The following TIAM2 variants were observed in gnomAD, a reference collection of about 807,000 sequenced individuals.
TIAM2 encodes the protein TIAM Rac1 associated GEF 2.
Under a neutral mutation model 152.9 loss-of-function variants are expected in TIAM2, and 80 were observed. The observed-to-expected ratio is 0.52, with a 90% CI of 0.44 to 0.63. TIAM2 has a LOEUF of 0.63. TIAM2 is among the 30% of genes least tolerant of loss of function. The pLI is 0.00. For missense variants in TIAM2, 1,965 were observed against 2,120.1 expected, an observed-to-expected ratio of 0.93 and a Z score of 1.44; for synonymous variants, 804 against 838.0, an observed-to-expected ratio of 0.96 and a Z score of 0.70.
In TIAM2 at chr6:155,032,633, C is replaced by T. The variant is rs553448906; in HGVS notation, c.-209+37141C>T. ...TCGGCTCACTGCAACCTCTACCTCCCGGGTTCAAGCAATTCTCCTGCTTCA... is the reference window on the plus strand; with the variant it reads ...TCGGCTCACTGCAACCTCTACCTCCTGGGTTCAAGCAATTCTCCTGCTTCA... On this transcript the variant is annotated intron_variant, in intron 1 of 26. Transcript: ENST00000682666. Among the ~76,000 whole-genome samples the T allele has an allele frequency of 1.8e-4, 28 of 152,188 alleles. No individual in the cohort carries two copies. The East Asian group carries it at 2.3e-3, about 13-fold the overall frequency.
At chr6:155,078,830 C>T (rs1345778009) in intron 1 of TIAM2, among the ~76,000 whole-genome samples, 1 of 152,210 alleles carries the variant, frequency 6.6e-6, no homozygotes, top group African/African-American at 2.4e-5. Flanking sequence ...TGTTTCATTA[C>T]AGAAGTTGAT....
Position 155,256,623 on chromosome 6 carries a change from G to A in TIAM2, c.4608G>A (p.Glu1536=). The change falls in exon 27 of 27, where the codon GAG becomes GAA. Residue 1536 remains glutamate (E), a synonymous_variant. Transcript: ENST00000682666. ...AGAGCAGCGGCTGCCCCACGGCTGA[G>A]GGCAGGCAGGACTCCAAGAGCACTT... ...GTQSSGCPTA[E]GRQDSKSTSP... 6.2e-7 allele frequency: 1 copy of A among 1,614,170 alleles called. No homozygotes were observed. The highest frequency in any genetic ancestry group is 8.5e-7 in the Non-Finnish European group (1 of 1,180,018).
rs1161778121 is a variant in TIAM2 at position 155,240,556 on chromosome 6, C to G, written c.3195C>G (p.Cys1065Trp). The change falls in exon 16 of 27, where the codon TGC becomes TGG. Residue 1065 changes from cysteine (C) to tryptophan (W), a missense_variant. By Grantham distance (215) the Cys-to-Trp change is radical. Coordinates refer to ENST00000682666, the MANE Select transcript of TIAM2 (RefSeq NM_012454.4). The stretch of plus-strand genomic sequence containing the variant: ...GTGCTGAGCAGATCACTGCACTGTG[C>G]AGGAGTTTTAACGACAGTCAGGCCA... ...FRSAEQITALCRSFNDSQANG... is the reference protein window; with the variant it reads ...FRSAEQITALWRSFNDSQANG... 1 of 1,613,888 alleles carries G rather than the reference C, an allele frequency of 6.2e-7. No homozygotes were observed. The highest frequency in any genetic ancestry group is 8.5e-7 in the Non-Finnish European group (1 of 1,180,014).
At chr6:155,051,104 TG>T (rs1382291933) in intron 1 of TIAM2, among the ~76,000 whole-genome samples, 1 of 152,214 alleles carries the variant, frequency 6.6e-6, no homozygotes, top group Non-Finnish European at 1.5e-5. Flanking sequence ...GCTGGTTTTT[TG>T]GTTCTGATTG....
intron 1 of TIAM2, among the ~76,000 whole-genome samples, chr6:155,044,388 C>A (rs952851349): frequency 2.0e-5 from 3 of 152,206 alleles, no homozygotes; most frequent in Non-Finnish European, 2.9e-5. Context: ...ATTGAGGATG[C>A]TGCATTCATA....
At position 155,245,603 on chromosome 6, in the gene TIAM2, T is replaced by A; in HGVS notation, c.3544-20T>A. 1 of 1,598,160 alleles carries A rather than the reference T, an allele frequency of 6.3e-7. No homozygotes were observed. Among genetic ancestry groups the A allele is most frequent in the South Asian group, 1.1e-5 (1 of 90,612 alleles). On this transcript the variant is annotated intron_variant, in intron 18 of 26. Coordinates refer to ENST00000682666, the MANE Select transcript of TIAM2 (RefSeq NM_012454.4). ...TTGATTAAACCATGTCTGATTTGAC[T>A]TTCCCCTCTGCCCTTCTAGAAATTA...
intron 10 of TIAM2, among the ~76,000 whole-genome samples, chr6:155,178,122 C>G (rs113681849): frequency 6.8e-6 from 1 of 146,762 alleles, no homozygotes; most frequent in Non-Finnish European, 1.5e-5. Flanking sequence ...GATGGCTCCA[C>G]TGCACCCCAG....
chr6:155,182,134 G>A, intron 12 of TIAM2, 92 bp from the exon 13 acceptor site: 1 of 1,038,886 alleles, frequency 9.6e-7, no homozygotes, highest in Non-Finnish European at 1.5e-6. Flanking sequence ...GTACTTATGA[G>A]AAAAGATGTT....
intron 2 of TIAM2, among the ~76,000 whole-genome samples, chr6:155,125,517 C>T (rs112331976): frequency 1.1e-4 from 16 of 152,180 alleles, no homozygotes; most frequent in African/African-American, 3.4e-4. Flanking sequence ...GCAGCTGTTG[C>T]GGAAAACAGT....
chr6:155,252,125 G>T (rs1783698813), intron 23 of TIAM2, 122 bp downstream of exon 23: 1 of 700,562 alleles, frequency 1.4e-6, no homozygotes, highest in Admixed American at 2.9e-5. Flanking sequence ...TACTCTGAGG[G>T]TAACTAACCC....
At position 155,165,352 on chromosome 6, in the gene TIAM2, A is replaced by C. The variant is rs780914387; in HGVS notation, c.2304A>C (p.Leu768Phe). ...ACAAGAAGGGAATATTTTCTTCGTT[A>C]AAAGGGCTGGACACACTGGCCAGAA... ...GRNKKGIFSS[L>F]KGLDTLARKG... Residue 768 changes from leucine (L) to phenylalanine (F), a missense_variant, in exon 9 of 27, where the codon TTA (leucine) becomes TTC (phenylalanine). This residue lies in a region of TIAM2 where 1,025 missense variants were observed against 1,119.4 expected (regional missense o/e 0.92). Transcript: ENST00000682666. 1 of 1,614,074 alleles carries C rather than the reference A, an allele frequency of 6.2e-7. No individual in the cohort carries two copies. Among genetic ancestry groups the C allele is most frequent in the Admixed American group, 1.7e-5 (1 of 60,004 alleles).
At chr6:155,228,137 T>C (rs1352225127) in intron 15 of TIAM2, among the ~76,000 whole-genome samples, 1 of 152,180 alleles carries the variant, frequency 6.6e-6, no homozygotes, top group Non-Finnish European at 1.5e-5. Context: ...GGCAGAGCTG[T>C]CCTAAGCAAA....
At chr6:155,055,284 G>A (rs185323006) in intron 1 of TIAM2, among the ~76,000 whole-genome samples, 55 of 152,238 alleles carry the variant, frequency 3.6e-4, no homozygotes, top group African/African-American at 1.2e-3. Context: ...ACATTCCAGC[G>A]TCCTCTCACA....
intron 15 of TIAM2, 69 bp from the exon 16 acceptor site, chr6:155,240,461 C>T: frequency 6.7e-7 from 1 of 1,497,886 alleles, no homozygotes; most frequent in Non-Finnish European, 9.0e-7. Context: ...ACACTTGGTG[C>T]CCTTGGGGGC....
chr6:155,043,633 C>CAAAAAAAAA (rs60093259), intron 1 of TIAM2, among the ~76,000 whole-genome samples: 1 of 50,250 alleles, frequency 2.0e-5, no homozygotes, highest in Non-Finnish European at 3.7e-5. Flanking sequence ...GACCCTGTCT[C>CAAAAAAAAA]AAAAAAAAAA....
intron 2 of TIAM2, among the ~76,000 whole-genome samples, chr6:155,105,983 A>ATTTATTTTATTTTATTTTAT (rs148796945): frequency 0.032 from 4,456 of 140,566 alleles, 187 homozygotes; most frequent in Admixed American, 0.13. Flanking sequence ...GGGTATTTTT[A>ATTTATTTTATTTTATTTTAT]TTTATTTTAT....
At position 155,118,435 on chromosome 6, in the gene TIAM2, CTTTTTT is replaced by C. The variant is rs869154446; in HGVS notation, c.-117-9045_-117-9040del. 4.3e-4 allele frequency among the ~76,000 whole-genome samples: 15 copies of C among 34,842 alleles called. No homozygotes were observed. In the South Asian group the frequency reaches 6.1e-3, roughly 14 times the overall value. 22.9% of individuals were successfully genotyped at this position (34,842 alleles called of 152,430 possible). A position where few individuals can be genotyped will look rare whatever the true frequency, so the allele number is the denominator to read the frequency against. ...CTTTTTTCTTTTTCTTTTTCTTTTT[CTTTTTT>C]TTTTTTTTTGAGACGGAGTCTTGCT... is the stretch of plus-strand genomic sequence containing the variant. On this transcript the variant is annotated intron_variant, in intron 2 of 26. Transcript: ENST00000682666.
At chr6:155,208,466 C>T (rs2115206524) in intron 14 of TIAM2, among the ~76,000 whole-genome samples, 1 of 152,250 alleles carries the variant, frequency 6.6e-6, no homozygotes, top group African/African-American at 2.4e-5. Context: ...AGTCTGATGA[C>T]TTCCAAATCC....
chr6:155,142,057 A>G (rs966576813), intron 5 of TIAM2, among the ~76,000 whole-genome samples: 5 of 150,928 alleles, frequency 3.3e-5, no homozygotes, highest in Non-Finnish European at 5.9e-5. Context: ...GTGAACGGCA[A>G]GGCAGGGCTG....
Sources: gnomAD v4.1 joint callset for allele counts (sites outside exome capture counted in the v4.1 genomes callset) on GRCh38, gnomAD v4.1.1 for gene constraint, gnomAD v4.1.1 regional missense constraint, MANE v1.5 for transcripts, NCBI Gene and HGNC (gene_info 2026-07-23, HGNC 2026-07-21) for gene names.